Variants in RMDN2 observed in about 807,000 individuals in gnomAD.
RMDN2 encodes the protein regulator of microtubule dynamics protein 2.
Under a neutral mutation model 52.8 loss-of-function variants are expected in RMDN2, and 61 were observed. The observed-to-expected ratio is 1.16, with a 90% CI of 0.94 to 1.43. The LOEUF (loss-of-function observed/expected upper bound fraction) is 1.43, where lower values mean the gene tolerates loss of function less well. Among genes scored for constraint, RMDN2 ranks in the 40% most tolerant of loss-of-function variants. The probability of loss-of-function intolerance (pLI) is 0.00; values close to 1 mark genes in which losing one functional copy is unlikely to be tolerated. For synonymous variants in RMDN2, 180 were observed against 153.1 expected, an observed-to-expected ratio of 1.18 and a Z score of -1.30; for missense variants, 592 against 475.3, an observed-to-expected ratio of 1.25 and a Z score of -2.28.
chr2:37,943,244 T>C (rs1667951524), intron 2 of RMDN2, among the ~76,000 whole-genome samples: 1 of 152,124 alleles, frequency 6.6e-6, no homozygotes, highest in South Asian at 2.1e-4. Context: ...CTGGAACCAG[T>C]ACTGAAGAAG....
chr2:37,975,417 T>C, intron 4 of RMDN2, 103 bp downstream of exon 4: 1 of 655,128 alleles, frequency 1.5e-6, no homozygotes, highest in Non-Finnish European at 2.7e-6. Flanking sequence ...GGGACATGGA[T>C]GAAGCTGGAA....
chr2:37,945,238 G>C (rs1413998596), intron 2 of RMDN2, among the ~76,000 whole-genome samples: 1 of 152,134 alleles, frequency 6.6e-6, no homozygotes, highest in Non-Finnish European at 1.5e-5. Flanking sequence ...ATAACCAATA[G>C]ATTCTTAAGA....
intron 5 of RMDN2, among the ~76,000 whole-genome samples, chr2:37,981,731 A>G (rs549722874): frequency 6.6e-6 from 1 of 152,332 alleles, no homozygotes; most frequent in African/African-American, 2.4e-5. Flanking sequence ...CGTAATATAC[A>G]AATTCCACAG....
intron 4 of RMDN2, among the ~76,000 whole-genome samples, chr2:37,978,165 C>G (rs185542234): frequency 2.2e-4 from 33 of 152,124 alleles, no homozygotes; most frequent in African/African-American, 8.0e-4. Context: ...CCAAAAAATA[C>G]GAAAACCAGT....
intron 2 of RMDN2, among the ~76,000 whole-genome samples, chr2:37,954,115 T>C (rs553514278): frequency 6.6e-6 from 1 of 152,180 alleles, no homozygotes; most frequent in South Asian, 2.1e-4. Context: ...AAAAAAGATA[T>C]AATTTGCAAA....
downstream of RMDN2, among the ~76,000 whole-genome samples, chr2:38,021,646 A>T (rs762468753): frequency 6.6e-6 from 1 of 152,224 alleles, no homozygotes; most frequent in Non-Finnish European, 1.5e-5. Flanking sequence ...TCTTGAAGTC[A>T]GTGAGACCAA....
downstream of RMDN2, among the ~76,000 whole-genome samples, chr2:38,018,270 A>T (rs1013484785): frequency 6.6e-6 from 1 of 152,224 alleles, no homozygotes; most frequent in African/African-American, 2.4e-5. Context: ...GAGCATTCTC[A>T]TACACGGTTA....
At chr2:37,962,731 T>G (rs563791009) in intron 2 of RMDN2, among the ~76,000 whole-genome samples, 1 of 151,700 alleles carries the variant, frequency 6.6e-6, no homozygotes, top group Non-Finnish European at 1.5e-5. Flanking sequence ...ACACCCCAGA[T>G]GTGACTGGGG....
chr2:37,952,187 A>C lies in RMDN2; in HGVS notation c.453-21853A>C, dbSNP rs200724936. On this transcript the variant is annotated intron_variant, in intron 2 of 10. Transcript: ENST00000354545. The stretch of plus-strand genomic sequence containing the variant: ...ATGAAGACAGATCTTCACCTATTGA[A>C]ATTCCTAAAATAAGGTCACCTCAGA... 5 of 1,613,158 alleles carry C rather than the reference A, an allele frequency of 3.1e-6. No individual in the cohort carries two copies. Among genetic ancestry groups the C allele is most frequent in the Non-Finnish European group, 3.4e-6 (4 of 1,179,544 alleles).
intron 10 of RMDN2, among the ~76,000 whole-genome samples, chr2:38,046,479 T>C (rs1681277312): frequency 6.6e-6 from 1 of 151,864 alleles, no homozygotes; most frequent in South Asian, 2.1e-4. Flanking sequence ...ATGTCCAAAA[T>C]TTGATGAAAA....
intron 2 of RMDN2, among the ~76,000 whole-genome samples, chr2:37,946,190 C>T (rs753336447): frequency 1.3e-5 from 2 of 152,090 alleles, no homozygotes; most frequent in Admixed American, 1.3e-4. Context: ...TTCTTTCTTA[C>T]AATTGATGGT....
At chr2:37,978,814 A>AGATG (rs1231729013) in intron 4 of RMDN2, among the ~76,000 whole-genome samples, 1 of 151,976 alleles carries the variant, frequency 6.6e-6, no homozygotes, top group Non-Finnish European at 1.5e-5. Context: ...ATAGATAGAT[A>AGATG]GAGAACAGGC....
intron 2 of RMDN2, among the ~76,000 whole-genome samples, chr2:37,969,839 C>A (rs1424494177): frequency 1.3e-5 from 2 of 150,238 alleles, no homozygotes; most frequent in African/African-American, 2.5e-5. Flanking sequence ...AAGGCTCCTC[C>A]CTCCCTCCCT....
intron 7 of RMDN2, among the ~76,000 whole-genome samples, chr2:37,993,001 A>G (rs1675014427): frequency 2.6e-5 from 4 of 151,910 alleles, no homozygotes. Flanking sequence ...TGCAGCCTCC[A>G]CCTTCTGGGT....
intron 2 of RMDN2, among the ~76,000 whole-genome samples, chr2:37,965,282 A>G (rs1406502766): frequency 2.0e-5 from 3 of 148,498 alleles, no homozygotes; most frequent in African/African-American, 5.0e-5. Context: ...GATTTTGTAT[A>G]TGCCATAGAT....
intron 8 of RMDN2, chr2:37,997,888 C>G (rs1675784854): frequency 5.5e-6 from 1 of 180,318 alleles, no homozygotes; most frequent in Non-Finnish European, 1.1e-5. Flanking sequence ...TCCTGATTAG[C>G]CTAACATAGA....
chr2:38,054,955 G>C (rs915477420), intron 10 of RMDN2, among the ~76,000 whole-genome samples: 1 of 152,160 alleles, frequency 6.6e-6, no homozygotes, highest in African/African-American at 2.4e-5. Flanking sequence ...TGGATATCAT[G>C]TTATATTTGT....
chr2:38,065,257 T>C (rs1682223360), intron 10 of RMDN2, among the ~76,000 whole-genome samples: 1 of 151,888 alleles, frequency 6.6e-6, no homozygotes. Context: ...AACATATATA[T>C]TCAAAACAAT....
chr2:37,944,370 A>G (rs1174438458), intron 2 of RMDN2, among the ~76,000 whole-genome samples: 2 of 151,932 alleles, frequency 1.3e-5, no homozygotes, highest in Admixed American at 6.6e-5. Context: ...TCTGAGGACC[A>G]TACAGTCTCC....
Sources: allele counts gnomAD v4.1 joint callset (sites outside exome capture counted in the v4.1 genomes callset), GRCh38; gene constraint gnomAD v4.1.1; transcripts MANE v1.5; gene names NCBI Gene and HGNC (gene_info 2026-07-23, HGNC 2026-07-21).